The following TCF12 variants were observed in gnomAD, a reference collection of about 807,000 sequenced individuals.
TCF12 encodes the protein DNA-binding protein HTF4.
A neutral mutation model predicts 86.0 loss-of-function variants in TCF12; 45 were observed. That is an observed-to-expected ratio of 0.52 (90% CI 0.41 to 0.67). The LOEUF is 0.67. Among genes scored for constraint, TCF12 ranks in the 30% least tolerant of loss-of-function variants. TCF12 has a pLI of 0.00. For synonymous variants in TCF12, 330 were observed against 299.6 expected, an observed-to-expected ratio of 1.10 and a Z score of -1.05; for missense variants, 881 against 859.9, an observed-to-expected ratio of 1.02 and a Z score of -0.31.
chr15:57,117,996 T>C (rs1364206912), intron 5 of TCF12, among the ~76,000 whole-genome samples: 1 of 152,200 alleles, frequency 6.6e-6, no homozygotes. Context: ...TTGTCTGTTA[T>C]CTTTGTTCTA....
At chr15:57,107,004 T>A (rs998065540) in intron 5 of TCF12, among the ~76,000 whole-genome samples, 4 of 152,254 alleles carry the variant, frequency 2.6e-5, no homozygotes, top group African/African-American at 9.6e-5. Context: ...GGAAGACAGT[T>A]TGACAGATTC....
Position 57,111,586 on chromosome 15 carries a change from CTTTTT to C in TCF12, c.325+19714_325+19718del, listed in dbSNP as rs1166862090. On this transcript the variant is annotated intron_variant, in intron 5 of 20. Transcript: ENST00000333725. ...GAATAGGTAGGTTTGGTTTGTTTAT[CTTTTT>C]TTTTTTTTTTTTTTTTTTAAGATAG... Among the ~76,000 whole-genome samples, 652 of 115,448 alleles carry C rather than the reference CTTTTT, an allele frequency of 5.6e-3. 7 individuals carry two copies. Among genetic ancestry groups the C allele is most frequent in the African/African-American group, 0.02 (625 of 30,620 alleles). 75.7% of individuals were successfully genotyped at this position (115,448 alleles called of 152,430 possible). A position where few individuals can be genotyped will look rare whatever the true frequency, so the allele number is the denominator to read the frequency against.
chr15:57,083,411 G>A (rs2048435327), intron 4 of TCF12, among the ~76,000 whole-genome samples: 1 of 151,422 alleles, frequency 6.6e-6, no homozygotes, highest in Non-Finnish European at 1.5e-5. Flanking sequence ...TTCTACAATG[G>A]GTATATGTTA....
intron 18 of TCF12, among the ~76,000 whole-genome samples, chr15:57,272,059 A>G (rs559828760): frequency 6.6e-6 from 1 of 152,322 alleles, no homozygotes; most frequent in African/African-American, 2.4e-5. Context: ...ATGGAATTGT[A>G]GAGTATGTAT....
In TCF12 at chr15:57,286,421, ACAAT is replaced by A. The variant is rs1190408212; in HGVS notation, c.*279_*282del. 9.8e-6 allele frequency: 3 copies of A among 304,598 alleles called. No individual in the cohort carries two copies. Among genetic ancestry groups the A allele is most frequent in the Admixed American group, 4.6e-5 (1 of 21,856 alleles). The allele number at this position is 304,598 out of a possible 1,614,324, so 18.9% of individuals were successfully genotyped here. On this transcript the variant is annotated 3_prime_UTR_variant, in exon 21 of 21. Transcript: ENST00000333725. ...GTTGCAAGCAGTGTGTCGCTTCTGC[ACAAT>A]CAGAGACTGTCTCGATCTCTCCACT...
chr15:57,135,454 C>A (rs189030738), intron 5 of TCF12, among the ~76,000 whole-genome samples: 1 of 152,002 alleles, frequency 6.6e-6, no homozygotes, highest in South Asian at 2.1e-4. Flanking sequence ...TTTGTCTTTA[C>A]GGTAGTATCC....
In TCF12 at chr15:57,122,704, GT is replaced by G. The variant is rs367856794; in HGVS notation, c.325+30818del. ...TCCCATCATTTTATTTCCTGGTTTT[GT>G]TTTTGTTAGGACCTTTGGAATGTAT... is the stretch of plus-strand genomic sequence containing the variant. On this transcript the variant is annotated intron_variant, in intron 5 of 20. Transcript: ENST00000333725. Among the ~76,000 whole-genome samples, 322 of 152,226 alleles carry G rather than the reference GT, an allele frequency of 2.1e-3. 2 individuals are homozygous for G. Among genetic ancestry groups the G allele is most frequent in the East Asian group, 7.7e-3 (40 of 5,182 alleles).
chr15:56,940,483 TCCTC>T (rs1567135980), intron 3 of TCF12, among the ~76,000 whole-genome samples: 5 of 101,552 alleles, frequency 4.9e-5, no homozygotes, highest in African/African-American at 1.9e-4. Flanking sequence ...CTTCTTCTCC[TCCTC>T]CTCCTCCTCC....
chr15:57,170,169 A>G (rs1486441391), intron 6 of TCF12, among the ~76,000 whole-genome samples: 1 of 152,146 alleles, frequency 6.6e-6, no homozygotes, highest in African/African-American at 2.4e-5. Flanking sequence ...GAGTGTTTTG[A>G]CTATATGACT....
intron 4 of TCF12, among the ~76,000 whole-genome samples, chr15:57,090,990 C>G (rs1426669847): frequency 6.6e-6 from 1 of 151,780 alleles, no homozygotes; most frequent in Non-Finnish European, 1.5e-5. Context: ...ATCTTTTTTC[C>G]CCTTTGCTTT....
intron 5 of TCF12, among the ~76,000 whole-genome samples, chr15:57,129,264 C>T (rs191279943): frequency 6.6e-6 from 1 of 152,316 alleles, no homozygotes; most frequent in East Asian, 1.9e-4. Flanking sequence ...TCCCTAATGA[C>T]TAATAATGAA....
chr15:57,209,208 A>T (rs145373005), intron 8 of TCF12, among the ~76,000 whole-genome samples: 4 of 152,278 alleles, frequency 2.6e-5, no homozygotes, highest in African/African-American at 9.6e-5. Context: ...TGATTGTTCA[A>T]ACCTTCAATA....
At chr15:57,125,638 A>C (rs1289066718) in intron 5 of TCF12, among the ~76,000 whole-genome samples, 3 of 152,248 alleles carry the variant, frequency 2.0e-5, no homozygotes, top group African/African-American at 4.8e-5. Context: ...TAATTTCTAG[A>C]AAGCAAGAAG....
intron 13 of TCF12, among the ~76,000 whole-genome samples, chr15:57,245,050 A>G (rs1177327101): frequency 1.3e-5 from 2 of 152,238 alleles, no homozygotes; most frequent in African/African-American, 2.4e-5. Flanking sequence ...TAAAGTTACC[A>G]TATTCCTCCA....
chr15:57,180,561 A>G (rs1193818287), intron 6 of TCF12, among the ~76,000 whole-genome samples: 1 of 152,094 alleles, frequency 6.6e-6, no homozygotes, highest in Non-Finnish European at 1.5e-5. Context: ...CCCAAAAAAT[A>G]AATCTTTTGA....
intron 5 of TCF12, among the ~76,000 whole-genome samples, chr15:57,149,248 A>ATT (rs2053579252): frequency 1.3e-5 from 2 of 152,310 alleles, no homozygotes; most frequent in Admixed American, 1.3e-4. Context: ...TGTAGCATAT[A>ATT]TTTAGAGTAT....
At chr15:57,163,958 G>A (rs2054678663) in intron 5 of TCF12, among the ~76,000 whole-genome samples, 1 of 152,134 alleles carries the variant, frequency 6.6e-6, no homozygotes, top group African/African-American at 2.4e-5. Context: ...TAAATAGATA[G>A]GGAATTTCAG....
chr15:57,280,675 G>C (rs540317465), intron 19 of TCF12, among the ~76,000 whole-genome samples: 1 of 152,266 alleles, frequency 6.6e-6, no homozygotes, highest in South Asian at 2.1e-4. Context: ...TTCAAGGCAA[G>C]TCTGGGCAAC....
At chr15:57,107,113 A>G (rs1260271127) in intron 5 of TCF12, among the ~76,000 whole-genome samples, 1 of 152,264 alleles carries the variant, frequency 6.6e-6, no homozygotes, top group Non-Finnish European at 1.5e-5. Flanking sequence ...TAATATGCAC[A>G]TAGAAGTTTA....
Sources: gnomAD v4.1 joint callset for allele counts (sites outside exome capture counted in the v4.1 genomes callset) on GRCh38, gnomAD v4.1.1 for gene constraint, MANE v1.5 for transcripts, NCBI Gene and HGNC (gene_info 2026-07-23, HGNC 2026-07-21) for gene names.